Variants in FBXO15 observed in about 807,000 individuals in gnomAD.
The protein encoded by FBXO15 is F-box protein 15, also known as F-box only protein 15.
A neutral mutation model predicts 49.5 loss-of-function variants in FBXO15; 30 were observed. The ratio of observed to expected loss-of-function variants is 0.61; its 90% CI spans 0.45 to 0.82. The LOEUF (loss-of-function observed/expected upper bound fraction) is 0.82, where lower values mean the gene tolerates loss of function less well. Ranked by LOEUF, FBXO15 falls within the 40% of genes least tolerant of loss-of-function variation. The pLI is 0.00. For missense variants in FBXO15, 591 were observed against 631.5 expected (o/e 0.94, Z 0.69); for synonymous variants, 250 against 232.7 (o/e 1.07, Z -0.68).
At chr18:74,141,370 A>C (rs922028071) in intron 1 of FBXO15, among the ~76,000 whole-genome samples, 3 of 152,144 alleles carry the variant, frequency 2.0e-5, no homozygotes, top group Non-Finnish European at 4.4e-5. Flanking sequence ...AACATACAAC[A>C]CACAGGTATT....
intron 3 of FBXO15, among the ~76,000 whole-genome samples, chr18:74,135,372 C>T (rs1044026292): frequency 3.3e-5 from 5 of 152,164 alleles, no homozygotes; most frequent in African/African-American, 9.7e-5. Context: ...TCTGCTTGGC[C>T]ATCAGCAGAG....
At chr18:74,105,481 C>A (rs1408744312) in intron 8 of FBXO15, among the ~76,000 whole-genome samples, 1 of 151,914 alleles carries the variant, frequency 6.6e-6, no homozygotes, top group Non-Finnish European at 1.5e-5. Context: ...GCCCTGTTAC[C>A]CAGGCTGGAG....
At chr18:74,079,751 CACACCAGTA>C (rs1912408989) in intron 9 of FBXO15, among the ~76,000 whole-genome samples, 1 of 152,150 alleles carries the variant, frequency 6.6e-6, no homozygotes, top group Admixed American at 6.5e-5. Flanking sequence ...GAATTACCTC[CACACCAGTA>C]AGTGTTGGAG....
At chr18:74,108,555 C>T (rs552327608) in intron 8 of FBXO15, among the ~76,000 whole-genome samples, 2 of 147,794 alleles carry the variant, frequency 1.4e-5, no homozygotes, top group South Asian at 2.1e-4. Context: ...TATCCAATAA[C>T]TACAAGAAAA....
At chr18:74,112,630 T>C (rs1326377273) in intron 8 of FBXO15, among the ~76,000 whole-genome samples, 1 of 152,194 alleles carries the variant, frequency 6.6e-6, no homozygotes, top group African/African-American at 2.4e-5. Context: ...TCATCAGTGC[T>C]TTTCCACATC....
At position 74,073,513 on chromosome 18, in the gene FBXO15, A is replaced by C. The variant is rs996681754; in HGVS notation, c.1481T>G (p.Val494Gly). The stretch of plus-strand genomic sequence containing the variant: ...GATTTTTGCGATACTAAGATAAAGG[A>C]CCAGGTTGACAATAAGGTATTCTTC... ...ETEEYLIVNL[V>G]LYLSIAKINH... The change falls in exon 10 of 10, where the codon GTC becomes GGC. Residue 494 changes from valine (V) to glycine (G), a missense_variant. By Grantham distance (109) the Val-to-Gly change is moderately radical (BLOSUM62 -3). Transcript: ENST00000419743. 6.2e-7 allele frequency: 1 copy of C among 1,614,230 alleles called. No individual in the cohort carries two copies. The highest frequency in any genetic ancestry group is 1.1e-5 in the South Asian group (1 of 91,080).
Position 74,130,413 on chromosome 18 carries a change from T to C in FBXO15, c.575+3A>G, listed in dbSNP as rs1023664006. The C allele has an allele frequency of 1.2e-6, 2 of 1,614,062 alleles. No individual in the cohort carries two copies. Among genetic ancestry groups the C allele is most frequent in the Non-Finnish European group, 1.7e-6 (2 of 1,179,968 alleles). On this transcript the variant is annotated splice_donor_region_variant and intron_variant, in intron 4 of 9. Transcript: ENST00000419743. ...TCATTCTCTTTTGGAACACACTGCG[T>C]ACCTGAGGGCCTCTTTGGTCTTAAC...
intron 2 of FBXO15, among the ~76,000 whole-genome samples, chr18:74,138,132 C>A (rs1978835665): frequency 1.3e-5 from 2 of 152,118 alleles, no homozygotes; most frequent in African/African-American, 2.4e-5. Context: ...GTTCTCCCCA[C>A]CCCCATCTCT....
chr18:74,073,573 C>T lies in FBXO15; in HGVS notation c.1421G>A (p.Arg474Lys). The change falls in exon 10 of 10, where the codon AGA becomes AAA. Residue 474 changes from arginine (R) to lysine (K), a missense_variant. Coordinates refer to ENST00000419743, the MANE Select transcript of FBXO15 (RefSeq NM_001142958.2). ...GATCCACACCAGCTCCACGTGCACT[C>T]TTCCTTCCGCATCAACGTAGTCCAC... is the stretch of plus-strand genomic sequence containing the variant. ...YNVDYVDAEGRVHVELVWIRE... is the reference protein window; with the variant it reads ...YNVDYVDAEGKVHVELVWIRE... 6.2e-7 allele frequency: 1 copy of T among 1,614,218 alleles called. No homozygotes were observed. The highest frequency in any genetic ancestry group is 8.5e-7 in the Non-Finnish European group (1 of 1,180,046).
At chr18:74,080,631 T>A (rs1215719162) in intron 9 of FBXO15, among the ~76,000 whole-genome samples, 1 of 152,260 alleles carries the variant, frequency 6.6e-6, no homozygotes, top group Non-Finnish European at 1.5e-5. Flanking sequence ...TGAGAACTTC[T>A]ATGAGAAATC....
Position 74,129,544 on chromosome 18 carries a change from C to T in FBXO15, c.646G>A (p.Asp216Asn), listed in dbSNP as rs1177410680. 1.2e-6 allele frequency: 2 copies of T among 1,613,232 alleles called. No homozygotes were observed. Among genetic ancestry groups the T allele is most frequent in the Admixed American group, 3.3e-5 (2 of 59,984 alleles). ...GGKEYIMEHVDLSINDTSVTV... is the reference protein window; with the variant it reads ...GGKEYIMEHVNLSINDTSVTV... Reference sequence around the variant, plus strand: ...ACTGATGTGTCATTTATGGAAAGATCAACATGCTCCATGATATATTCTTTT... The same window carrying T: ...ACTGATGTGTCATTTATGGAAAGATTAACATGCTCCATGATATATTCTTTT... Residue 216 changes from aspartate to asparagine, a missense_variant, in exon 5 of 10, where the codon GAT (aspartate) becomes AAT (asparagine). Asp to Asn is a conservative substitution (Grantham distance 23). Transcript: ENST00000419743.
At chr18:74,101,701 C>T (rs759882187) in intron 8 of FBXO15, among the ~76,000 whole-genome samples, 2 of 152,072 alleles carry the variant, frequency 1.3e-5, no homozygotes, top group Non-Finnish European at 2.9e-5. Flanking sequence ...AACACATTAA[C>T]CTGATTTCAA....
At chr18:74,095,985 G>A (rs983318527) in intron 8 of FBXO15, among the ~76,000 whole-genome samples, 4 of 152,076 alleles carry the variant, frequency 2.6e-5, no homozygotes, top group Admixed American at 6.6e-5. Flanking sequence ...GATAGAATTG[G>A]ATTTCACATC....
intron 8 of FBXO15, among the ~76,000 whole-genome samples, chr18:74,109,609 GAA>G (rs1159477212): frequency 1.3e-5 from 2 of 152,290 alleles, no homozygotes; most frequent in East Asian, 3.9e-4. Context: ...ACTGGATTAA[GAA>G]AATGTGGCAC....
At chr18:74,130,793 C>G in intron 3 of FBXO15, 135 bp from the exon 4 acceptor site, 2 of 950,346 alleles carry the variant, frequency 2.1e-6, no homozygotes, top group African/African-American at 1.7e-5. Flanking sequence ...TACAGTTGAA[C>G]GTTCATCTGT....
chr18:74,123,546 C>A, intron 7 of FBXO15, 36 bp from the exon 8 acceptor site: 1 of 1,577,298 alleles, frequency 6.3e-7, no homozygotes, highest in East Asian at 2.2e-5. Context: ...ACAAATTTGT[C>A]AACACCAGGG....
In FBXO15 at chr18:74,125,852, T is replaced by A. The variant is rs994983697; in HGVS notation, c.912+123A>T. 8 of 1,349,316 alleles carry A rather than the reference T, an allele frequency of 5.9e-6. No individual in the cohort carries two copies. The African/African-American group carries it at 1.0e-4, about 17-fold the overall frequency. 83.6% of individuals were successfully genotyped at this position (1,349,316 alleles called of 1,614,324 possible). On this transcript the variant is annotated intron_variant, in intron 6 of 9. Coordinates refer to ENST00000419743, the MANE Select transcript of FBXO15 (RefSeq NM_001142958.2). ...TGAAAAAATGAAGTTGGTGAGATGG[T>A]AAAATGGATTGCAGTTAGTGAAAAG...
At chr18:74,102,700 C>T (rs1248360701) in intron 8 of FBXO15, among the ~76,000 whole-genome samples, 1 of 152,058 alleles carries the variant, frequency 6.6e-6, no homozygotes, top group African/African-American at 2.4e-5. Flanking sequence ...ATGTGGAACC[C>T]ACACAAATGC....
intron 8 of FBXO15, among the ~76,000 whole-genome samples, chr18:74,115,918 CT>C (rs1490791050): frequency 6.6e-6 from 1 of 152,182 alleles, no homozygotes; most frequent in African/African-American, 2.4e-5. Flanking sequence ...TGATACTGTA[CT>C]TTCTTGGTCA....
Sources: allele counts gnomAD v4.1 joint callset (sites outside exome capture counted in the v4.1 genomes callset), GRCh38; gene constraint gnomAD v4.1.1; transcripts MANE v1.5; gene names NCBI Gene and HGNC (gene_info 2026-07-23, HGNC 2026-07-21).